The following LRRTM4 variants were observed in gnomAD, a reference collection of about 807,000 sequenced individuals.
LRRTM4 encodes the protein leucine rich repeat transmembrane neuronal 4.
Under a neutral mutation model 47.6 loss-of-function variants are expected in LRRTM4, and 25 were observed. The ratio of observed to expected loss-of-function variants is 0.53; its 90% confidence interval spans 0.38 to 0.73. LRRTM4 has a LOEUF of 0.73. Among genes scored for constraint, LRRTM4 ranks in the 30% least tolerant of loss-of-function variants. LRRTM4 has a pLI of 0.00. For synonymous variants in LRRTM4, 311 were observed against 269.5 expected (o/e 1.15, Z -1.51); for missense variants, 638 against 713.4 (o/e 0.89, Z 1.20).
At chr2:77,132,285 C>G (rs1185799526) in intron 3 of LRRTM4, among the ~76,000 whole-genome samples, 2 of 152,132 alleles carry the variant, frequency 1.3e-5, no homozygotes, top group Non-Finnish European at 2.9e-5. Context: ...AGCATACTGA[C>G]TTTCATTTCC....
chr2:76,864,704 T>G (rs2104023001), intron 3 of LRRTM4, among the ~76,000 whole-genome samples: 1 of 151,878 alleles, frequency 6.6e-6, no homozygotes, highest in East Asian at 1.9e-4. Context: ...CAGATGGTTC[T>G]TAGAATCCCA....
intron 3 of LRRTM4, among the ~76,000 whole-genome samples, chr2:76,780,206 A>T (rs1246812314): frequency 6.6e-6 from 1 of 151,860 alleles, no homozygotes; most frequent in Non-Finnish European, 1.5e-5. Context: ...TTTTTCCTTC[A>T]TTTCAACTTT....
intron 3 of LRRTM4, among the ~76,000 whole-genome samples, chr2:76,780,207 T>C (rs2104153350): frequency 6.6e-6 from 1 of 152,340 alleles, no homozygotes; most frequent in African/African-American, 2.4e-5. Context: ...TTTTCCTTCA[T>C]TTCAACTTTG....
chr2:76,925,433 G>T (rs11886944), intron 3 of LRRTM4, among the ~76,000 whole-genome samples: 42 of 152,160 alleles, frequency 2.8e-4, no homozygotes, highest in African/African-American at 9.6e-4. Context: ...GCTCTTAGCC[G>T]AGGATCCATT....
At chr2:76,918,474 A>T (rs924311739) in intron 3 of LRRTM4, among the ~76,000 whole-genome samples, 4 of 152,310 alleles carry the variant, frequency 2.6e-5, no homozygotes, top group Admixed American at 2.0e-4. Flanking sequence ...TTTGTCTAAT[A>T]GTTTTAAGTT....
intron 3 of LRRTM4, among the ~76,000 whole-genome samples, chr2:76,873,433 T>C (rs960752243): frequency 1.3e-5 from 2 of 149,166 alleles, no homozygotes; most frequent in African/African-American, 4.9e-5. Flanking sequence ...ATGTATACAT[T>C]ATATAGTCTG....
At chr2:77,167,586 A>G (rs1050564431) in intron 3 of LRRTM4, among the ~76,000 whole-genome samples, 40 of 152,212 alleles carry the variant, frequency 2.6e-4, no homozygotes, top group African/African-American at 9.4e-4. Flanking sequence ...GATTAAGAAA[A>G]TGTGGCATAT....
At chr2:77,317,653 G>C (rs568960919) in intron 3 of LRRTM4, among the ~76,000 whole-genome samples, 2 of 152,298 alleles carry the variant, frequency 1.3e-5, no homozygotes, top group African/African-American at 4.8e-5. Context: ...TGTTCACACA[G>C]AACAGGCAGA....
At chr2:76,942,400 G>C (rs141442418) in intron 3 of LRRTM4, among the ~76,000 whole-genome samples, 8 of 151,928 alleles carry the variant, frequency 5.3e-5, no homozygotes, top group African/African-American at 1.9e-4. Flanking sequence ...AGCTGACGGG[G>C]TGTTAAGATT....
chr2:77,206,970 C>G (rs1674144260), intron 3 of LRRTM4, among the ~76,000 whole-genome samples: 1 of 151,840 alleles, frequency 6.6e-6, no homozygotes, highest in Non-Finnish European at 1.5e-5. Flanking sequence ...ATAACTCCAT[C>G]TTATGTAGCA....
chr2:77,316,294 C>T (rs566401421), intron 3 of LRRTM4, among the ~76,000 whole-genome samples: 88 of 152,094 alleles, frequency 5.8e-4, no homozygotes, highest in Non-Finnish European at 1.1e-3. Flanking sequence ...AAGTTCTCAG[C>T]AAGCCTGAGA....
chr2:77,254,522 G>C (rs986642050), intron 3 of LRRTM4, among the ~76,000 whole-genome samples: 1 of 151,752 alleles, frequency 6.6e-6, no homozygotes, highest in Admixed American at 6.6e-5. Context: ...AAAAATATGG[G>C]TAGATAAAAT....
At position 77,519,800 on chromosome 2, in the gene LRRTM4, C is replaced by T; in HGVS notation, c.69G>A (p.Leu23=). 5 of 1,613,002 alleles carry T rather than the reference C, an allele frequency of 3.1e-6. No homozygotes were observed. Among genetic ancestry groups the T allele is most frequent in the Non-Finnish European group, 4.2e-6 (5 of 1,179,438 alleles). ...SVVLVLLPTL[L]LVMLTGAQRA... Reference sequence around the variant, plus strand: ...TCTGAGCACCCGTGAGCATAACAAGCAGCAGTGTAGGAAGTAGCACCAGCA... The same window carrying T: ...TCTGAGCACCCGTGAGCATAACAAGTAGCAGTGTAGGAAGTAGCACCAGCA... Residue 23 remains leucine (L), a synonymous_variant, in exon 3 of 4, where the codon CTG becomes CTA. Coordinates refer to ENST00000409884, the MANE Select transcript of LRRTM4 (RefSeq NM_001134745.3). The surrounding 1 kb of genome is among the most constrained non-coding windows in gnomAD (Gnocchi z 4.6).
At chr2:76,893,743 G>A (rs1031246805) in intron 3 of LRRTM4, among the ~76,000 whole-genome samples, 7 of 151,730 alleles carry the variant, frequency 4.6e-5, no homozygotes, top group African/African-American at 1.7e-4. Flanking sequence ...ACAGATTTCA[G>A]CTTTCTCATT....
intron 3 of LRRTM4, among the ~76,000 whole-genome samples, chr2:77,175,028 G>C (rs917603544): frequency 6.0e-5 from 9 of 150,962 alleles, no homozygotes; most frequent in African/African-American, 2.2e-4. Flanking sequence ...CACAAAGTTA[G>C]TTTCAAATGC....
chr2:77,397,700 A>C (rs1673756413), intron 3 of LRRTM4, among the ~76,000 whole-genome samples: 1 of 151,806 alleles, frequency 6.6e-6, no homozygotes, highest in Non-Finnish European at 1.5e-5. Flanking sequence ...ATGCTAAATA[A>C]ATAGAGTTAT....
chr2:77,503,699 G>A (rs569862889), intron 3 of LRRTM4, among the ~76,000 whole-genome samples: 4 of 151,284 alleles, frequency 2.6e-5, no homozygotes, highest in East Asian at 1.9e-4. Context: ...TAAGAAAAAC[G>A]TAAAACTCAG....
chr2:76,917,417 A>G (rs1674289750), intron 3 of LRRTM4, among the ~76,000 whole-genome samples: 1 of 152,148 alleles, frequency 6.6e-6, no homozygotes, highest in African/African-American at 2.4e-5. Flanking sequence ...GTGCATCTCC[A>G]TTGGAGGAGT....
intron 3 of LRRTM4, among the ~76,000 whole-genome samples, chr2:76,972,490 T>C (rs1422909435): frequency 2.8e-5 from 4 of 144,890 alleles, no homozygotes; most frequent in Non-Finnish European, 4.5e-5. Context: ...CAGTTTCAGC[T>C]CACTGCAACC....
Sources: gnomAD v4.1 joint callset for allele counts (sites outside exome capture counted in the v4.1 genomes callset) on GRCh38, gnomAD v4.1.1 for gene constraint, Gnocchi (gnomAD v3.1) non-coding constraint, MANE v1.5 for transcripts, NCBI Gene and HGNC (gene_info 2026-07-23, HGNC 2026-07-21) for gene names.